ZNF573: variants seen among roughly 807,000 people sequenced by gnomAD.
ZNF573 encodes zinc finger protein 573.
ZNF573 carries 41 observed loss-of-function variants against 57.4 expected under a neutral mutation model. That is an observed-to-expected ratio of 0.71 (90% confidence interval 0.56 to 0.93). The LOEUF is 0.93. Among genes scored for constraint, ZNF573 ranks in the 40% least tolerant of loss-of-function variants. The probability of loss-of-function intolerance (pLI) is 0.00; values close to 1 mark genes in which losing one functional copy is unlikely to be tolerated. For synonymous variants in ZNF573, 249 were observed against 261.0 expected, an observed-to-expected ratio of 0.95 and a Z score of 0.44; for missense variants, 730 against 794.8, an observed-to-expected ratio of 0.92 and a Z score of 0.98.
At chr19:37,740,280 CATA>C (rs1192803016) in intron 4 of ZNF573, 86 bp from the exon 5 acceptor site, 52 of 1,251,554 alleles carry the variant, frequency 4.2e-5, no homozygotes, top group Non-Finnish European at 5.2e-5. Context: ...AACCAACATT[CATA>C]ATAAGTGAAT....
intron 3 of ZNF573, 94 bp from the exon 4 acceptor site, chr19:37,770,191 T>TG: frequency 1.0e-6 from 1 of 973,756 alleles, no homozygotes; most frequent in South Asian, 1.8e-5. Context: ...AACTAAGGAC[T>TG]TCAAATAAAA....
At chr19:37,756,583 G>A (rs190975377) in intron 4 of ZNF573, among the ~76,000 whole-genome samples, 3 of 152,026 alleles carry the variant, frequency 2.0e-5, no homozygotes, top group Non-Finnish European at 4.4e-5. Flanking sequence ...AAACAGAGTC[G>A]CAATAACATT....
Position 37,771,631 on chromosome 19 carries a change from C to T in ZNF573, c.135G>A (p.Leu45=). ...TGTATAAGTCCCTCTGATTAGGGTC[C>T]AGGTATTCCCACTCCTGCCGAGAGA... ...IDFSRQEWEY[L]DPNQRDLYRD... is the part of the protein sequence containing the mutation. The change falls in exon 3 of 5, where the codon CTG becomes CTA. Residue 45 remains leucine, a synonymous_variant. Coordinates refer to ENST00000536220, the MANE Select transcript of ZNF573 (RefSeq NM_001172690.2). 1 of 1,602,206 alleles carries T rather than the reference C, an allele frequency of 6.2e-7. No individual in the cohort carries two copies. The highest frequency in any genetic ancestry group is 1.4e-5 in the African/African-American group (1 of 73,794).
At chr19:37,775,183 A>T (rs1244216826) in intron 1 of ZNF573, among the ~76,000 whole-genome samples, 3 of 151,846 alleles carry the variant, frequency 2.0e-5, no homozygotes, top group Non-Finnish European at 4.4e-5. Flanking sequence ...TGCCTGGCTA[A>T]TTTAAAAAAA....
intron 4 of ZNF573, among the ~76,000 whole-genome samples, chr19:37,746,633 G>A (rs2045385466): frequency 6.6e-6 from 1 of 152,058 alleles, no homozygotes; most frequent in South Asian, 2.1e-4. Flanking sequence ...AGGCTGGAGT[G>A]CAGTGGTGCG....
chr19:37,774,819 T>G (rs540792977), intron 1 of ZNF573, among the ~76,000 whole-genome samples: 1 of 152,302 alleles, frequency 6.6e-6, no homozygotes, highest in African/African-American at 2.4e-5. Flanking sequence ...TTACCATTAC[T>G]TTTCTTTTAG....
rs563696147 is a variant in ZNF573, at chr19:37,757,695, T to G, written c.295+12310A>C. On this transcript the variant is annotated intron_variant, in intron 4 of 4. Transcript: ENST00000536220. The stretch of plus-strand genomic sequence containing the variant: ...GACCCAGCCATCCCATTACTGGGTA[T>G]ATACCCAAAGGAATATAAATCATGC... Among the ~76,000 whole-genome samples the G allele has an allele frequency of 8.5e-5, 13 of 152,302 alleles. No individual in the cohort carries two copies. In the East Asian group the frequency reaches 1.9e-3, roughly 23 times the overall value.
chr19:37,740,647 G>A (rs1417917118), intron 4 of ZNF573: 3 of 453,846 alleles, frequency 6.6e-6, no homozygotes, highest in Non-Finnish European at 4.4e-6. Flanking sequence ...TTACCTAGGA[G>A]GTCTCATGTC....
At chr19:37,775,775 T>C (rs775367439) in intron 1 of ZNF573, among the ~76,000 whole-genome samples, 11 of 151,098 alleles carry the variant, frequency 7.3e-5, no homozygotes, top group Non-Finnish European at 8.8e-5. Context: ...ATCAGTAGCA[T>C]TGCTATATAC....
At chr19:37,765,522 C>T (rs2045593973) in intron 4 of ZNF573, among the ~76,000 whole-genome samples, 1 of 151,966 alleles carries the variant, frequency 6.6e-6, no homozygotes, top group Non-Finnish European at 1.5e-5. Context: ...ACCAGCCTGA[C>T]CAACATGGAG....
At chr19:37,740,582 G>A (rs1233896586) in intron 4 of ZNF573, 1 of 458,500 alleles carries the variant, frequency 2.2e-6, no homozygotes, top group African/African-American at 2.0e-5. Context: ...AGTTTCTCGA[G>A]TGATTTTTCA....
chr19:37,743,125 T>A (rs2145278367), intron 4 of ZNF573, among the ~76,000 whole-genome samples: 1 of 152,068 alleles, frequency 6.6e-6, no homozygotes, highest in East Asian at 1.9e-4. Flanking sequence ...AAGACCAGCC[T>A]GGCCAACATG....
At position 37,739,879 on chromosome 19, in the gene ZNF573, TG is replaced by T; in HGVS notation, c.610del (p.Gln204SerfsTer2). ...ATGAAATCTCTGATGCACAGTCAGC[TG>T]ATAACCACTTCTAAAGTTCTTCCCA... ...ECGKNFRSGY[Q>X]LTVHQRFHTG... On this transcript the variant is annotated frameshift_variant, in exon 5 of 5. Coordinates refer to ENST00000536220, the MANE Select transcript of ZNF573 (RefSeq NM_001172690.2). LOFTEE classifies it high-confidence loss of function. 1.2e-6 allele frequency: 2 copies of T among 1,614,146 alleles called. No homozygotes were observed. The highest frequency in any genetic ancestry group is 1.7e-6 in the Non-Finnish European group (2 of 1,180,008).
chr19:37,742,086 G>A (rs2045332751), intron 4 of ZNF573, among the ~76,000 whole-genome samples: 1 of 152,118 alleles, frequency 6.6e-6, no homozygotes, highest in Admixed American at 6.6e-5. Flanking sequence ...TCGCTACAAA[G>A]AGAATGAAAT....
At chr19:37,758,202 AATATATATAT>A (rs550290940) in intron 4 of ZNF573, among the ~76,000 whole-genome samples, 173 of 17,068 alleles carry the variant, frequency 0.01, 3 homozygotes, top group Non-Finnish European at 0.014. Flanking sequence ...AGTATAATAA[AATATATATAT>A]ATATATATAT....
chr19:37,766,228 G>T (rs1443245951), intron 4 of ZNF573, among the ~76,000 whole-genome samples: 1 of 151,496 alleles, frequency 6.6e-6, no homozygotes, highest in African/African-American at 2.4e-5. Context: ...TCCAGGCATT[G>T]AGCATAAATG....
intron 4 of ZNF573, among the ~76,000 whole-genome samples, chr19:37,765,687 GCAA>G (rs1490844874): frequency 6.6e-6 from 1 of 151,992 alleles, no homozygotes; most frequent in Non-Finnish European, 1.5e-5. Context: ...TCCAGCCTGG[GCAA>G]CAAGAGCAAA....
At position 37,756,807 on chromosome 19, in the gene ZNF573, T is replaced by C. The variant is rs73623446; in HGVS notation, c.295+13198A>G. On this transcript the variant is annotated intron_variant, in intron 4 of 4. Coordinates refer to ENST00000536220, the MANE Select transcript of ZNF573 (RefSeq NM_001172690.2). ...TATCATTTTATATATATACAATATA[T>C]AATCTCATATTATGATAAAATAATA... Among the ~76,000 whole-genome samples the C allele has an allele frequency of 5.9e-3, 896 of 151,956 alleles. 11 individuals are homozygous for C. The highest frequency in any genetic ancestry group is 0.02 in the African/African-American group (846 of 41,480).
At chr19:37,768,713 T>TG (rs1386101446) in intron 4 of ZNF573, among the ~76,000 whole-genome samples, 35 of 152,136 alleles carry the variant, frequency 2.3e-4, no homozygotes. Flanking sequence ...TCGCCCAGGC[T>TG]GGAGTGCAGT....
Sources: allele counts gnomAD v4.1 joint callset (sites outside exome capture counted in the v4.1 genomes callset), GRCh38; gene constraint gnomAD v4.1.1; transcripts MANE v1.5; gene names NCBI Gene and HGNC (gene_info 2026-07-23, HGNC 2026-07-21).